TNFAIP8L1: variants seen among roughly 807,000 people sequenced by gnomAD.
TNFAIP8L1 encodes the protein TNF alpha induced protein 8 like 1, also known as tumor necrosis factor alpha-induced protein 8-like protein 1.
For missense variants in TNFAIP8L1, 225 were observed against 266.1 expected, an observed-to-expected ratio of 0.85 and a Z score of 1.08; for synonymous variants, 127 against 125.6, an observed-to-expected ratio of 1.01 and a Z score of -0.08.
Position 4,645,671 on chromosome 19 carries a change from A to C in TNFAIP8L1, c.-4+6042A>C, listed in dbSNP as rs1036151956. ...GGTGGTAGCTCACACCTGTAGTCCC[A>C]GCACTTTGGGAGGCTGAGGCAGGAG... On this transcript the variant is annotated intron_variant, in intron 1 of 1. Coordinates refer to ENST00000327473, the MANE Select transcript of TNFAIP8L1 (RefSeq NM_152362.3). This position sits in a 1 kb window ranked among gnomAD's most constrained non-coding sequence, Gnocchi z 4.1. 2.0e-5 allele frequency among the ~76,000 whole-genome samples: 3 copies of C among 151,328 alleles called. No homozygotes were observed. Among genetic ancestry groups the C allele is most frequent in the Admixed American group, 6.6e-5 (1 of 15,164 alleles).
At position 4,652,588 on chromosome 19, in the gene TNFAIP8L1, T is replaced by A; in HGVS notation, c.*158T>A. Reference sequence around the variant, plus strand: ...TGACCTGTCTCCTTTGAGAGGATGCTGAGGCATCTGTAGCAGCTGTTTCAA... The same window carrying A: ...TGACCTGTCTCCTTTGAGAGGATGCAGAGGCATCTGTAGCAGCTGTTTCAA... On this transcript the variant is annotated 3_prime_UTR_variant, in exon 2 of 2. Transcript: ENST00000327473. The A allele has an allele frequency of 1.4e-6, 1 of 690,374 alleles. No individual in the cohort carries two copies. Among genetic ancestry groups the A allele is most frequent in the Non-Finnish European group, 2.3e-6 (1 of 430,622 alleles). The allele number at this position is 690,374 out of a possible 1,614,324, so 42.8% of individuals were successfully genotyped here.
chr19:4,646,985 T>C (rs1367031294), intron 1 of TNFAIP8L1, among the ~76,000 whole-genome samples: 1 of 152,208 alleles, frequency 6.6e-6, no homozygotes, highest in Non-Finnish European at 1.5e-5. Context: ...TGTGTCTGGC[T>C]TCTGTCACTG....
Position 4,641,678 on chromosome 19 carries a change from GT to G in TNFAIP8L1, c.-4+2050del, listed in dbSNP as rs2088262567. 6.6e-6 allele frequency: 1 copy of G among 152,124 alleles called. No homozygotes were observed. The highest frequency in any genetic ancestry group is 1.5e-5 in the Non-Finnish European group (1 of 68,034). 9.4% of individuals were successfully genotyped at this position (152,124 alleles called of 1,614,324 possible). ...GTGGGGAGGGAGGGTGCTTTGAGGG[GT>G]GGGGGAGATTCAACAAGATATTGTT... On this transcript the variant is annotated intron_variant, in intron 1 of 1. Transcript: ENST00000327473. This position sits in a 1 kb window ranked among gnomAD's most constrained non-coding sequence, Gnocchi z 4.6.
chr19:4,652,113 G>A lies in TNFAIP8L1; in HGVS notation c.244G>A (p.Glu82Lys). Residue 82 changes from glutamate to lysine, a missense_variant, in exon 2 of 2, where the codon GAG becomes AAG. Transcript: ENST00000327473. ...GCTGCGTGGGGACCAGCTGGGCGGTGAGGAGCTGGCGCTGCTGCGGCGCTT... is the reference window on the plus strand; with the variant it reads ...GCTGCGTGGGGACCAGCTGGGCGGTAAGGAGCTGGCGCTGCTGCGGCGCTT... ...LLLRGDQLGG[E>K]ELALLRRFRH... 1 of 1,589,732 alleles carries A rather than the reference G, an allele frequency of 6.3e-7. No homozygotes were observed. The highest frequency in any genetic ancestry group is 1.1e-5 in the South Asian group (1 of 88,290).
intron 1 of TNFAIP8L1, among the ~76,000 whole-genome samples, chr19:4,643,948 C>A (rs529432747): frequency 6.6e-6 from 1 of 151,710 alleles, no homozygotes; most frequent in East Asian, 1.9e-4. Flanking sequence ...TGGCCGTTCA[C>A]GGTGGCTTAT....
intron 1 of TNFAIP8L1, among the ~76,000 whole-genome samples, chr19:4,648,169 T>C (rs950367606): frequency 6.6e-6 from 1 of 152,218 alleles, no homozygotes; most frequent in Non-Finnish European, 1.5e-5. Context: ...TAAATGCTCG[T>C]TGAGCCACTG....
rs2088302934 is a variant in TNFAIP8L1 at position 4,645,594 on chromosome 19, A to C, written c.-4+5965A>C. Among the ~76,000 whole-genome samples the C allele has an allele frequency of 6.6e-6, 1 of 151,820 alleles. No homozygotes were observed. The highest frequency in any genetic ancestry group is 2.4e-5 in the African/African-American group (1 of 41,382). On this transcript the variant is annotated intron_variant, in intron 1 of 1. Coordinates refer to ENST00000327473, the MANE Select transcript of TNFAIP8L1 (RefSeq NM_152362.3). The surrounding 1 kb of genome is among the most constrained non-coding windows in gnomAD (Gnocchi z 4.1). The stretch of plus-strand genomic sequence containing the variant: ...AAGACTCCATCTCAAAATACATACA[A>C]ACATACATACATACATAAACTTATA...
At position 4,645,313 on chromosome 19, in the gene TNFAIP8L1, C is replaced by T. The variant is rs35727009; in HGVS notation, c.-4+5684C>T. 0.18 allele frequency among the ~76,000 whole-genome samples: 26,786 copies of T among 151,422 alleles called. 2,519 individuals carry two copies. The highest frequency in any genetic ancestry group is 0.23 in the Middle Eastern group (69 of 294). ...CTGTAATCCCAGCAGTTTGGGAGGC[C>T]GAGGCGAGTAGATCACTTGAGGCCG... On this transcript the variant is annotated intron_variant, in intron 1 of 1. Transcript: ENST00000327473. The surrounding 1 kb of genome is among the most constrained non-coding windows in gnomAD (Gnocchi z 4.1).
In TNFAIP8L1 at chr19:4,648,054, G is replaced by A. The variant is rs138909787; in HGVS notation, c.-3-3813G>A. 1.1e-3 allele frequency among the ~76,000 whole-genome samples: 175 copies of A among 152,316 alleles called. 3 individuals are homozygous for A. Among genetic ancestry groups the A allele is most frequent in the African/African-American group, 4.1e-3 (170 of 41,564 alleles). Reference sequence around the variant, plus strand: ...CTCTGTGGTCTCTTCTGCAAAGCAGGCAACCTGGCCAGTACCAGGTGGGAA... The same window carrying A: ...CTCTGTGGTCTCTTCTGCAAAGCAGACAACCTGGCCAGTACCAGGTGGGAA... On this transcript the variant is annotated intron_variant, in intron 1 of 1. Transcript: ENST00000327473.
At position 4,655,055 on chromosome 19, in the gene TNFAIP8L1, G is replaced by A. The variant is rs898217008; in HGVS notation, c.*2625G>A. The A allele has an allele frequency of 3.9e-5, 6 of 152,236 alleles. No individual in the cohort carries two copies. The highest frequency in any genetic ancestry group is 1.2e-4 in the African/African-American group (5 of 41,448). 9.4% of individuals were successfully genotyped at this position (152,236 alleles called of 1,614,324 possible). A position where few individuals can be genotyped will look rare whatever the true frequency, so the allele number is the denominator to read the frequency against. On this transcript the variant is annotated 3_prime_UTR_variant, in exon 2 of 2. Transcript: ENST00000327473. ...TAAAACCAAGAGATCACACACACCTGTCTGGATTTGGAGTTTCTCTTGAAA... is the reference window on the plus strand; with the variant it reads ...TAAAACCAAGAGATCACACACACCTATCTGGATTTGGAGTTTCTCTTGAAA...
At chr19:4,651,320 C>A (rs1191887577) in intron 1 of TNFAIP8L1, among the ~76,000 whole-genome samples, 2 of 151,832 alleles carry the variant, frequency 1.3e-5, no homozygotes, top group Non-Finnish European at 2.9e-5. Context: ...TAATAATAAT[C>A]ATAATAATAA....
At position 4,655,453 on chromosome 19, in the gene TNFAIP8L1, T is replaced by C. The variant is rs1223218323; in HGVS notation, c.*3023T>C. 1 of 152,250 alleles carries C rather than the reference T, an allele frequency of 6.6e-6. No individual in the cohort carries two copies. Among genetic ancestry groups the C allele is most frequent in the Admixed American group, 6.5e-5 (1 of 15,274 alleles). The allele number at this position is 152,250 out of a possible 1,614,324, so 9.4% of individuals were successfully genotyped here. On this transcript the variant is annotated 3_prime_UTR_variant, in exon 2 of 2. Transcript: ENST00000327473. ...AGACATCAGTGTGTAAAACTCTCTGTGTCCCTGTTGGGCTGTCCAGACAGT... is the reference window on the plus strand; with the variant it reads ...AGACATCAGTGTGTAAAACTCTCTGCGTCCCTGTTGGGCTGTCCAGACAGT...
Position 4,645,402 on chromosome 19 carries a change from G to A in TNFAIP8L1, c.-4+5773G>A, listed in dbSNP as rs924003706. Among the ~76,000 whole-genome samples the A allele has an allele frequency of 2.6e-5, 4 of 152,120 alleles. No homozygotes were observed. Among genetic ancestry groups the A allele is most frequent in the African/African-American group, 7.2e-5 (3 of 41,500 alleles). On this transcript the variant is annotated intron_variant, in intron 1 of 1. Transcript: ENST00000327473. The surrounding 1 kb of genome is among the most constrained non-coding windows in gnomAD (Gnocchi z 4.1). Reference sequence around the variant, plus strand: ...GTCTCTACTAAAAATACACAAATTTGTATTTTTGTACAAATACAAATACAC... The same window carrying A: ...GTCTCTACTAAAAATACACAAATTTATATTTTTGTACAAATACAAATACAC...
At position 4,651,896 on chromosome 19, in the gene TNFAIP8L1, G is replaced by C. The variant is rs747335884; in HGVS notation, c.27G>C (p.Leu9=). Residue 9 remains leucine (L), a synonymous_variant, in exon 2 of 2, where the codon CTG becomes CTC. Transcript: ENST00000327473. MDTFSTKS[L]ALQAQKKLLS... ...TGGACACCTTCAGCACCAAGAGCCT[G>C]GCTCTGCAGGCGCAGAAGAAGCTCC... 1 of 1,609,136 alleles carries C rather than the reference G, an allele frequency of 6.2e-7. No homozygotes were observed. Among genetic ancestry groups the C allele is most frequent in the Non-Finnish European group, 8.5e-7 (1 of 1,176,120 alleles).
chr19:4,650,834 G>C (rs1041083575), intron 1 of TNFAIP8L1, among the ~76,000 whole-genome samples: 3 of 152,072 alleles, frequency 2.0e-5, no homozygotes, highest in Non-Finnish European at 4.4e-5. Context: ...AAACCCTGTC[G>C]GGGGCCAGGT....
rs2088403846 is a variant in TNFAIP8L1, at chr19:4,654,418, A to G, written c.*1988A>G. Reference sequence around the variant, plus strand: ...GAGTGCAGTGGTGAAATCTCGGCTCATTGCAGCCCCTTCCTTCCAGGCTCA... The same window carrying G: ...GAGTGCAGTGGTGAAATCTCGGCTCGTTGCAGCCCCTTCCTTCCAGGCTCA... On this transcript the variant is annotated 3_prime_UTR_variant, in exon 2 of 2. Transcript: ENST00000327473. The G allele has an allele frequency of 6.6e-6, 1 of 152,144 alleles. No homozygotes were observed. The highest frequency in any genetic ancestry group is 1.5e-5 in the Non-Finnish European group (1 of 68,042). 9.4% of individuals were successfully genotyped at this position (152,144 alleles called of 1,614,324 possible). A position where few individuals can be genotyped will look rare whatever the true frequency, so the allele number is the denominator to read the frequency against.
At position 4,641,288 on chromosome 19, in the gene TNFAIP8L1, A is replaced by G. The variant is rs2088258936; in HGVS notation, c.-4+1659A>G. The stretch of plus-strand genomic sequence containing the variant: ...TCCCTGTCTGTCCAATGGGGCCACG[A>G]AAGGGTGCCTTGAGGACAAAACTCC... On this transcript the variant is annotated intron_variant, in intron 1 of 1. Coordinates refer to ENST00000327473, the MANE Select transcript of TNFAIP8L1 (RefSeq NM_152362.3). The surrounding 1 kb of genome is among the most constrained non-coding windows in gnomAD (Gnocchi z 4.6). The G allele has an allele frequency of 6.6e-6, 1 of 151,812 alleles. No homozygotes were observed. Among genetic ancestry groups the G allele is most frequent in the African/African-American group, 2.4e-5 (1 of 41,278 alleles). The allele number at this position is 151,812 out of a possible 1,614,324, so 9.4% of individuals were successfully genotyped here. A position where few individuals can be genotyped will look rare whatever the true frequency, so the allele number is the denominator to read the frequency against.
Position 4,652,566 on chromosome 19 carries a change from C to A in TNFAIP8L1, c.*136C>A, listed in dbSNP as rs981535486. ...CAAACTCCCCTAGACAGATGGGTGA[C>A]CTGTCTCCTTTGAGAGGATGCTGAG... On this transcript the variant is annotated 3_prime_UTR_variant, in exon 2 of 2. Transcript: ENST00000327473. The A allele has an allele frequency of 2.4e-6, 2 of 842,246 alleles. No individual in the cohort carries two copies. The highest frequency in any genetic ancestry group is 1.8e-5 in the African/African-American group (1 of 55,820). 52.2% of individuals were successfully genotyped at this position (842,246 alleles called of 1,614,324 possible). A position where few individuals can be genotyped will look rare whatever the true frequency, so the allele number is the denominator to read the frequency against.
intron 1 of TNFAIP8L1, among the ~76,000 whole-genome samples, chr19:4,650,989 A>C (rs1178759666): frequency 8.0e-6 from 1 of 124,306 alleles, no homozygotes; most frequent in Admixed American, 7.1e-5. Context: ...ATCTCAAAAA[A>C]TAGTAATAAT....
Sources: gnomAD v4.1 joint callset for allele counts (sites outside exome capture counted in the v4.1 genomes callset) on GRCh38, gnomAD v4.1.1 for gene constraint, Gnocchi (gnomAD v3.1) non-coding constraint, MANE v1.5 for transcripts, NCBI Gene and HGNC (gene_info 2026-07-23, HGNC 2026-07-21) for gene names.